Variants in AAR2 observed in about 807,000 individuals in gnomAD.
The protein encoded by AAR2 is AAR2 splicing factor.
Under a neutral mutation model 26.9 loss-of-function variants are expected in AAR2, and 31 were observed. That is an observed-to-expected ratio of 1.15 (90% CI 0.86 to 1.55). The LOEUF (loss-of-function observed/expected upper bound fraction) is 1.55, where lower values mean the gene tolerates loss of function less well. Ranked by LOEUF, AAR2 falls within the 40% of genes most tolerant of loss-of-function variation. AAR2 has a pLI of 0.00. For synonymous variants in AAR2, 188 were observed against 196.1 expected, an observed-to-expected ratio of 0.96 and a Z score of 0.34; for missense variants, 430 against 491.3, an observed-to-expected ratio of 0.88 and a Z score of 1.18.
chr20:36,248,323 A>T (rs190551803), intron 3 of AAR2, among the ~76,000 whole-genome samples: 5 of 149,928 alleles, frequency 3.3e-5, no homozygotes, highest in East Asian at 3.9e-4. Flanking sequence ...TCATCTGGTT[A>T]TCTTCTTCTT....
intron 3 of AAR2, among the ~76,000 whole-genome samples, chr20:36,245,979 C>T (rs1033283188): frequency 2.6e-5 from 4 of 152,198 alleles, no homozygotes; most frequent in Admixed American, 1.3e-4. Context: ...TGATTATGAT[C>T]GTGCCACTGC....
rs186160310 is a variant in AAR2 at position 36,255,429 on chromosome 20, G to T, written c.988-149G>T. 2.1e-5 allele frequency: 18 copies of T among 872,466 alleles called. No homozygotes were observed. In the Admixed American group the frequency reaches 2.9e-4, roughly 14 times the overall value. 54.0% of individuals were successfully genotyped at this position (872,466 alleles called of 1,614,324 possible). ...GGTTTGGACCTTCTTTCTTGGTTTGGGGGGAGCATAGCAGGTGTCCTGGGC... is the reference window on the plus strand; with the variant it reads ...GGTTTGGACCTTCTTTCTTGGTTTGTGGGGAGCATAGCAGGTGTCCTGGGC... On this transcript the variant is annotated intron_variant, in intron 3 of 3. Coordinates refer to ENST00000320849, the MANE Select transcript of AAR2 (RefSeq NM_001271874.2).
intron 1 of AAR2, 86 bp downstream of exon 1, chr20:36,236,589 A>T (rs1569421671): frequency 6.6e-6 from 1 of 152,284 alleles, no homozygotes; most frequent in African/African-American, 2.4e-5. Flanking sequence ...GCTCAGAGTC[A>T]CGGAGTGCCT....
chr20:36,252,982 G>T (rs926003108), intron 3 of AAR2, among the ~76,000 whole-genome samples: 2 of 152,150 alleles, frequency 1.3e-5, no homozygotes, highest in Non-Finnish European at 2.9e-5. Flanking sequence ...CTGCTAATTA[G>T]TTATTGATCT....
At chr20:36,250,241 CTTTAT>C (rs1238972143) in intron 3 of AAR2, among the ~76,000 whole-genome samples, 1 of 152,098 alleles carries the variant, frequency 6.6e-6, no homozygotes, top group Non-Finnish European at 1.5e-5. Flanking sequence ...AGTGTTCATG[CTTTAT>C]TTTGTGTTTG....
At chr20:36,253,735 A>G (rs1420030079) in intron 3 of AAR2, among the ~76,000 whole-genome samples, 2 of 152,212 alleles carry the variant, frequency 1.3e-5, no homozygotes, top group Non-Finnish European at 2.9e-5. Flanking sequence ...AAGAACTCCT[A>G]CAACTCAACA....
chr20:36,238,177 C>T (rs967075442), intron 1 of AAR2, among the ~76,000 whole-genome samples: 7 of 152,160 alleles, frequency 4.6e-5, no homozygotes, highest in African/African-American at 7.2e-5. Context: ...CAAGTATACA[C>T]ACAAACACAC....
At chr20:36,247,952 A>T (rs1338004771) in intron 3 of AAR2, among the ~76,000 whole-genome samples, 1 of 152,232 alleles carries the variant, frequency 6.6e-6, no homozygotes, top group Non-Finnish European at 1.5e-5. Flanking sequence ...TTCAGTGTTC[A>T]GTACAGTATT....
At chr20:36,244,358 C>A (rs1057020128) in intron 2 of AAR2, among the ~76,000 whole-genome samples, 9 of 152,172 alleles carry the variant, frequency 5.9e-5, no homozygotes. Context: ...TGATGGGCAG[C>A]CAGGTTTGAA....
At chr20:36,252,360 G>A (rs75292913) in intron 3 of AAR2, among the ~76,000 whole-genome samples, 1 of 152,244 alleles carries the variant, frequency 6.6e-6, no homozygotes, top group East Asian at 1.9e-4. Context: ...GCGCTGTGCC[G>A]AGAGTGGAGC....
intron 2 of AAR2, among the ~76,000 whole-genome samples, chr20:36,241,981 G>C (rs999741404): frequency 2.0e-5 from 3 of 151,970 alleles, no homozygotes; most frequent in African/African-American, 7.3e-5. Flanking sequence ...TTGGATAGCT[G>C]AAAAATGGCA....
chr20:36,242,615 G>A (rs939035747), intron 2 of AAR2, among the ~76,000 whole-genome samples: 7 of 151,508 alleles, frequency 4.6e-5, no homozygotes, highest in South Asian at 4.2e-4. Flanking sequence ...GGATGGTCTC[G>A]ATCTCCTGAC....
chr20:36,244,782 G>C lies in AAR2; in HGVS notation c.843G>C (p.Leu281=). 6.2e-7 allele frequency: 1 copy of C among 1,614,146 alleles called. No homozygotes were observed. Among genetic ancestry groups the C allele is most frequent in the Non-Finnish European group, 8.5e-7 (1 of 1,180,028 alleles). Residue 281 remains leucine, a synonymous_variant, in exon 3 of 4, where the codon CTG becomes CTC. Coordinates refer to ENST00000320849, the MANE Select transcript of AAR2 (RefSeq NM_001271874.2). The part of the protein sequence containing the change: ...FEHWKRLLNL[L]CRSEAAMMKH... ...ATTGGAAGCGGCTCCTGAACCTCCT[G>C]TGCCGGTCAGAAGCAGCCATGATGA...
chr20:36,238,987 A>G (rs1377437982), intron 1 of AAR2, among the ~76,000 whole-genome samples: 1 of 152,134 alleles, frequency 6.6e-6, no homozygotes, highest in African/African-American at 2.4e-5. Context: ...TGGTTTGTTT[A>G]CATTTGTTCA....
At chr20:36,253,528 C>A (rs2064796978) in intron 3 of AAR2, among the ~76,000 whole-genome samples, 1 of 152,160 alleles carries the variant, frequency 6.6e-6, no homozygotes, top group Non-Finnish European at 1.5e-5. Flanking sequence ...TGTGAAACTT[C>A]TTTGAAAACA....
At chr20:36,248,054 G>A (rs1030495289) in intron 3 of AAR2, among the ~76,000 whole-genome samples, 3 of 151,958 alleles carry the variant, frequency 2.0e-5, no homozygotes, top group African/African-American at 4.8e-5. Context: ...CCTTCTTGCC[G>A]GAACCTGATT....
chr20:36,244,861 G>C lies in AAR2; in HGVS notation c.922G>C (p.Glu308Gln). Residue 308 changes from glutamate (E) to glutamine (Q), a missense_variant, in exon 3 of 4, where the codon GAG becomes CAG. Glu to Gln is a conservative substitution (Grantham distance 29). Coordinates refer to ENST00000320849, the MANE Select transcript of AAR2 (RefSeq NM_001271874.2). ...LISILYHQLG[E>Q]IPADFFVDIV... The stretch of plus-strand genomic sequence containing the variant: ...CTCCATCCTGTACCACCAGCTTGGT[G>C]AGATCCCCGCTGACTTCTTCGTAGA... The C allele has an allele frequency of 6.2e-7, 1 of 1,614,176 alleles. No individual in the cohort carries two copies.
intron 2 of AAR2, among the ~76,000 whole-genome samples, chr20:36,241,665 C>T (rs1452392321): frequency 3.3e-5 from 5 of 152,148 alleles, no homozygotes; most frequent in Non-Finnish European, 7.3e-5. Context: ...CACCTGTAGT[C>T]CCAGCTACTC....
At chr20:36,243,523 C>G (rs2075087819) in intron 2 of AAR2, among the ~76,000 whole-genome samples, 1 of 152,030 alleles carries the variant, frequency 6.6e-6, no homozygotes, top group Admixed American at 6.6e-5. Context: ...TTTTTATGGC[C>G]CACATGTATG....
Sources: gnomAD v4.1 joint callset for allele counts (sites outside exome capture counted in the v4.1 genomes callset) on GRCh38, gnomAD v4.1.1 for gene constraint, MANE v1.5 for transcripts, NCBI Gene and HGNC (gene_info 2026-07-23, HGNC 2026-07-21) for gene names.